The following UGT1A10 variants were observed in gnomAD, a reference collection of about 807,000 sequenced individuals.
UGT1A10 encodes the protein UDP glucuronosyltransferase family 1 member A10, also known as UDP-glucuronosyltransferase 1A10.
In UGT1A10, 49 loss-of-function variants were observed where a neutral mutation model predicts 45.8. That is an observed-to-expected ratio of 1.07 (90% confidence interval 0.85 to 1.36). The LOEUF is 1.36. Among genes scored for constraint, UGT1A10 ranks in the 40% most tolerant of loss-of-function variants. The pLI is 0.00. For synonymous variants in UGT1A10, 284 were observed against 249.7 expected, an observed-to-expected ratio of 1.14 and a Z score of -1.29; for missense variants, 745 against 668.6, an observed-to-expected ratio of 1.11 and a Z score of -1.26.
intron 1 of UGT1A10, among the ~76,000 whole-genome samples, chr2:233,680,889 C>G (rs1489073213): frequency 3.3e-5 from 5 of 151,924 alleles, no homozygotes; most frequent in Admixed American, 3.3e-4. Context: ...GGGACGGCGA[C>G]TCACCACTGC....
At position 233,701,259 on chromosome 2, in the gene UGT1A10, G is replaced by A. The variant is rs1386323387; in HGVS notation, c.855+63882G>A. ...CAGTAATGAGATGGCTGGGTCAAAT[G>A]GTATTTCTAGTTCTAGATCCTTGAG... On this transcript the variant is annotated intron_variant, in intron 1 of 4. Coordinates refer to ENST00000344644, the MANE Select transcript of UGT1A10 (RefSeq NM_019075.4). 3.3e-5 allele frequency among the ~76,000 whole-genome samples: 5 copies of A among 152,008 alleles called. No homozygotes were observed. In the East Asian group the frequency reaches 5.8e-4, roughly 18 times the overall value.
intron 1 of UGT1A10, among the ~76,000 whole-genome samples, chr2:233,643,377 C>T (rs764013173): frequency 1.2e-4 from 19 of 152,040 alleles, no homozygotes; most frequent in Non-Finnish European, 2.1e-4. Flanking sequence ...TGCTGGTGTT[C>T]CCTTAAGGCC....
intron 1 of UGT1A10, chr2:233,682,009 G>T: frequency 6.2e-7 from 1 of 1,614,122 alleles, no homozygotes; most frequent in Admixed American, 1.7e-5. Context: ...GCTTTGCCAA[G>T]GCAGGGAAGC....
intron 1 of UGT1A10, chr2:233,693,174 T>C (rs765801707): frequency 1.2e-6 from 2 of 1,614,166 alleles, no homozygotes; most frequent in Non-Finnish European, 1.7e-6. Flanking sequence ...CATGAGATTG[T>C]AGTGGTGGTG....
chr2:233,693,262 G>A (rs1356082894), intron 1 of UGT1A10: 1 of 1,614,118 alleles, frequency 6.2e-7, no homozygotes, highest in South Asian at 1.1e-5. Context: ...ACCAAGAAGA[G>A]CTGAAGAACC....
chr2:233,672,557 G>A lies in UGT1A10; in HGVS notation c.855+35180G>A, dbSNP rs778540806. The A allele has an allele frequency of 3.5e-5, 56 of 1,613,900 alleles. No individual in the cohort carries two copies. The South Asian group carries it at 5.4e-4, about 16-fold the overall frequency. ...GCCATGACTTTCAAGGAGAGAGTACGGAACCACATCATGCACTTGGAGGAA... is the reference window on the plus strand; with the variant it reads ...GCCATGACTTTCAAGGAGAGAGTACAGAACCACATCATGCACTTGGAGGAA... On this transcript the variant is annotated intron_variant, in intron 1 of 4. Transcript: ENST00000344644.
chr2:233,713,704 T>C (rs778886685), intron 1 of UGT1A10: 1 of 1,613,920 alleles, frequency 6.2e-7, no homozygotes, highest in Admixed American at 1.7e-5. Context: ...GCCTCTGAGC[T>C]TTTTCAGAGA....
chr2:233,728,683 G>A (rs1270712584), intron 1 of UGT1A10, among the ~76,000 whole-genome samples: 4 of 152,230 alleles, frequency 2.6e-5, no homozygotes, highest in African/African-American at 7.2e-5. Flanking sequence ...TGAGAAGAAA[G>A]TTTCAAGGGT....
intron 1 of UGT1A10, among the ~76,000 whole-genome samples, chr2:233,728,905 G>C (rs1331259486): frequency 6.6e-6 from 1 of 150,586 alleles, no homozygotes; most frequent in Admixed American, 6.6e-5. Flanking sequence ...AGGGTCAGAC[G>C]TGTTTTTCAA....
chr2:233,738,020 A>T (rs1165451282), intron 1 of UGT1A10, among the ~76,000 whole-genome samples: 1 of 152,034 alleles, frequency 6.6e-6, no homozygotes, highest in East Asian at 1.9e-4. Context: ...TTGAATTGTA[A>T]TCCCCATAAT....
chr2:233,678,644 A>C (rs1282152976), intron 1 of UGT1A10, among the ~76,000 whole-genome samples: 1 of 152,192 alleles, frequency 6.6e-6, no homozygotes, highest in Non-Finnish European at 1.5e-5. Flanking sequence ...AGTCTTAAAT[A>C]ATTGGAAGCA....
chr2:233,722,507 T>C lies in UGT1A10; in HGVS notation c.856-44527T>C, dbSNP rs188387982. 9.8e-5 allele frequency among the ~76,000 whole-genome samples: 15 copies of C among 152,358 alleles called. No individual in the cohort carries two copies. The East Asian group carries it at 1.5e-3, about 16-fold the overall frequency. On this transcript the variant is annotated intron_variant, in intron 1 of 4. Transcript: ENST00000344644. The stretch of plus-strand genomic sequence containing the variant: ...ACTGTTTCATTTTCCGTTTCGTTAA[T>C]TGCAGCTTATTTTTGCCTTAATGAT...
At chr2:233,716,337 C>A (rs17868335) in intron 1 of UGT1A10, among the ~76,000 whole-genome samples, 15,441 of 152,180 alleles carry the variant, frequency 0.1, 906 homozygotes, top group East Asian at 0.2. Flanking sequence ...CCCAGGTTTG[C>A]GCAACTACAA....
chr2:233,717,415 G>C (rs565971108), intron 1 of UGT1A10, among the ~76,000 whole-genome samples: 2 of 152,300 alleles, frequency 1.3e-5, no homozygotes, highest in East Asian at 3.9e-4. Context: ...TGCCTCCCTT[G>C]AGCTGGGTGT....
intron 1 of UGT1A10, chr2:233,692,913 A>G: frequency 3.8e-6 from 6 of 1,559,188 alleles, no homozygotes; most frequent in Non-Finnish European, 5.2e-6. Flanking sequence ...ACCTGTGAAA[A>G]GCAGTGGTTA....
Position 233,772,351 on chromosome 2 carries a change from T to C in UGT1A10, c.1385T>C (p.Val462Ala). 1 of 1,614,248 alleles carries C rather than the reference T, an allele frequency of 6.2e-7. No individual in the cohort carries two copies. The change falls in exon 5 of 5, where the codon GTG becomes GCG. Residue 462 changes from valine (V) to alanine (A), a missense_variant. Transcript: ENST00000344644. ...CTGGCCGTGTTCTGGGTGGAGTTTG[T>C]GATGAGGCACAAGGGCGCGCCACAC... ...LDLAVFWVEF[V>A]MRHKGAPHLR...
chr2:233,688,273 T>C (rs192394276), intron 1 of UGT1A10, among the ~76,000 whole-genome samples: 3 of 152,394 alleles, frequency 2.0e-5, no homozygotes, highest in Non-Finnish European at 4.4e-5. Flanking sequence ...GAATATTCCA[T>C]TGTATGGATT....
intron 1 of UGT1A10, among the ~76,000 whole-genome samples, chr2:233,699,027 G>A (rs1169974105): frequency 6.6e-6 from 1 of 152,220 alleles, no homozygotes; most frequent in Non-Finnish European, 1.5e-5. Flanking sequence ...GAGCCACCAG[G>A]CAGTCCCAGA....
intron 1 of UGT1A10, among the ~76,000 whole-genome samples, chr2:233,654,670 G>A (rs1188570016): frequency 6.6e-6 from 1 of 152,172 alleles, no homozygotes; most frequent in Non-Finnish European, 1.5e-5. Flanking sequence ...ATTGCTACAG[G>A]AATTTCTAAG....
Sources: gnomAD v4.1 joint callset for allele counts (sites outside exome capture counted in the v4.1 genomes callset) on GRCh38, gnomAD v4.1.1 for gene constraint, MANE v1.5 for transcripts, NCBI Gene and HGNC (gene_info 2026-07-23, HGNC 2026-07-21) for gene names.